Variants in ATP8B4 observed in about 807,000 individuals in gnomAD.
ATP8B4 encodes the protein ATPase phospholipid transporting 8B4 (putative).
Under a neutral mutation model 145.6 loss-of-function variants are expected in ATP8B4, and 133 were observed. The observed-to-expected ratio is 0.91, with a 90% confidence interval of 0.79 to 1.05. The LOEUF (loss-of-function observed/expected upper bound fraction) is 1.05. Ranked by LOEUF, ATP8B4 falls within the 50% of genes least tolerant of loss-of-function variation. The pLI is 0.00. For missense variants in ATP8B4, 1,458 were observed against 1,425.2 expected (o/e 1.02, Z -0.37); for synonymous variants, 507 against 492.9 (o/e 1.03, Z -0.38).
At position 49,987,482 on chromosome 15, in the gene ATP8B4, G is replaced by C. The variant is rs199543753; in HGVS notation, c.657C>G (p.Asp219Glu). 4.2e-4 allele frequency: 682 copies of C among 1,613,616 alleles called. No individual in the cohort carries two copies. Among genetic ancestry groups the C allele is most frequent in the Admixed American group, 7.7e-4 (46 of 60,004 alleles). ...TCTCATTGTTGAGGGAATGCTTGCT[G>C]TCTTTCCAAGAAAGGATTCCCATGA... ...DKFMGILSWK[D>E]SKHSLNNEKI... The change falls in exon 10 of 28, where the codon GAC becomes GAG. Residue 219 changes from aspartate (D) to glutamate (E), a missense_variant. By Grantham distance (45) the Asp-to-Glu change is conservative. Transcript: ENST00000284509.
rs1387062813 is a variant in ATP8B4, at chr15:50,152,107, G to GA, written c.-43+30153dup. The stretch of plus-strand genomic sequence containing the variant: ...ACCCATGTTTCTTCATTAGAATTTT[G>GA]AAAAAAAATTATATTTAGTTCATTA... On this transcript the variant is annotated intron_variant, in intron 1 of 3. Coordinates refer to the ATP8B4 transcript ENST00000558829. Among the ~76,000 whole-genome samples the GA allele has an allele frequency of 6.6e-5, 10 of 151,460 alleles. 1 individual carries two copies. The East Asian group carries it at 9.7e-4, about 15-fold the overall frequency.
intron 6 of ATP8B4, among the ~76,000 whole-genome samples, chr15:50,022,068 T>G (rs142154955): frequency 8.3e-4 from 126 of 151,872 alleles, no homozygotes; most frequent in African/African-American, 2.9e-3. Context: ...ATAAAAGAAA[T>G]AAATAAAAAC....
intron 23 of ATP8B4, chr15:49,894,991 A>G (rs2037238846): frequency 6.6e-6 from 1 of 152,206 alleles, no homozygotes; most frequent in Non-Finnish European, 1.5e-5. Context: ...GATATAATAG[A>G]CTGGCTAAAC....
intron 3 of ATP8B4, among the ~76,000 whole-genome samples, chr15:50,064,360 G>A (rs1313779846): frequency 6.6e-6 from 1 of 152,062 alleles, no homozygotes; most frequent in Admixed American, 6.6e-5. Context: ...CAAGTCAAGG[G>A]TATCAGGAGC....
At chr15:50,173,389 C>T (rs1199418719) in intron 1 of ATP8B4, among the ~76,000 whole-genome samples, 1 of 151,930 alleles carries the variant, frequency 6.6e-6, no homozygotes, top group Non-Finnish European at 1.5e-5. Context: ...AATCTATAAC[C>T]TTACCCCCAA....
At chr15:50,078,673 C>G (rs1208819923) in intron 2 of ATP8B4, among the ~76,000 whole-genome samples, 3 of 151,812 alleles carry the variant, frequency 2.0e-5, no homozygotes, top group Non-Finnish European at 4.4e-5. Flanking sequence ...CACCAAGTAC[C>G]AATCAGGATG....
chr15:49,909,709 T>C (rs2039024361), intron 20 of ATP8B4, among the ~76,000 whole-genome samples: 1 of 123,534 alleles, frequency 8.1e-6, no homozygotes, highest in African/African-American at 3.3e-5. Flanking sequence ...CAGACACCAT[T>C]GGCTTTGTTT....
chr15:50,025,288 A>G (rs1465599138), intron 6 of ATP8B4, among the ~76,000 whole-genome samples: 2 of 152,142 alleles, frequency 1.3e-5, no homozygotes, highest in African/African-American at 4.8e-5. Context: ...ACCCTTCCAC[A>G]CAATCTCTCT....
intron 14 of ATP8B4, among the ~76,000 whole-genome samples, chr15:49,956,466 C>T (rs897664917): frequency 2.0e-5 from 3 of 152,038 alleles, no homozygotes; most frequent in Non-Finnish European, 4.4e-5. Context: ...TTGGACTTCC[C>T]TAAAACCATC....
chr15:49,925,033 C>T (rs2040590795), intron 16 of ATP8B4, among the ~76,000 whole-genome samples: 2 of 152,078 alleles, frequency 1.3e-5, no homozygotes, highest in Admixed American at 1.3e-4. Context: ...GACATTAGTT[C>T]TCTAACTTAT....
chr15:49,954,037 C>T (rs141944188), intron 14 of ATP8B4, among the ~76,000 whole-genome samples: 1 of 152,032 alleles, frequency 6.6e-6, no homozygotes, highest in Non-Finnish European at 1.5e-5. Flanking sequence ...ACCTGGATAC[C>T]TTGGTTGCCG....
chr15:50,146,950 GT>G (rs2044284854), intron 1 of ATP8B4, among the ~76,000 whole-genome samples: 1 of 152,224 alleles, frequency 6.6e-6, no homozygotes, highest in East Asian at 1.9e-4. Context: ...GCCAGTTGGA[GT>G]TTTTCCAGGG....
intron 1 of ATP8B4, among the ~76,000 whole-genome samples, chr15:50,161,044 G>C (rs1278211569): frequency 6.6e-6 from 1 of 151,994 alleles, no homozygotes; most frequent in African/African-American, 2.4e-5. Flanking sequence ...TTATGTATCT[G>C]GGTACTCCAG....
intron 20 of ATP8B4, among the ~76,000 whole-genome samples, chr15:49,911,195 G>A (rs905471624): frequency 3.9e-5 from 6 of 152,032 alleles, no homozygotes; most frequent in Non-Finnish European, 7.4e-5. Context: ...ACAGAATGGC[G>A]GAATGGGTTT....
Position 49,931,206 on chromosome 15 carries a change from T to C in ATP8B4, c.1555A>G (p.Thr519Ala). Residue 519 changes from threonine to alanine, a missense_variant, in exon 16 of 28, where the codon ACA (threonine) becomes GCA (alanine). Physicochemically the swap from Thr to Ala is moderately conservative, Grantham distance 58 (BLOSUM62 0). Coordinates refer to ENST00000284509, the MANE Select transcript of ATP8B4 (RefSeq NM_024837.4). Reference sequence around the variant, plus strand: ...ACTAGTGTTCCCAATTCTTCTATTGTTATGGTCTCTGGGGTCCGGGATTTA... The same window carrying C: ...ACTAGTGTTCCCAATTCTTCTATTGCTATGGTCTCTGGGGTCCGGGATTTA... ...IFKSRTPETI[T>A]IEELGTLVTY... The C allele has an allele frequency of 1.2e-6, 2 of 1,612,894 alleles. No homozygotes were observed. The highest frequency in any genetic ancestry group is 1.7e-6 in the Non-Finnish European group (2 of 1,179,234).
chr15:49,956,356 T>G (rs1247006965), intron 14 of ATP8B4, among the ~76,000 whole-genome samples: 4 of 152,124 alleles, frequency 2.6e-5, no homozygotes, highest in Non-Finnish European at 5.9e-5. Flanking sequence ...ATGTAATAAA[T>G]TTTGAACACA....
upstream of ATP8B4, among the ~76,000 whole-genome samples, chr15:50,122,150 T>C (rs1002387476): frequency 1.3e-5 from 2 of 152,128 alleles, no homozygotes; most frequent in African/African-American, 4.8e-5. Context: ...AGCCAATGAA[T>C]TATGGTTTTA....
chr15:50,056,901 T>C (rs2052649737), intron 3 of ATP8B4, among the ~76,000 whole-genome samples: 1 of 152,108 alleles, frequency 6.6e-6, no homozygotes, highest in African/African-American at 2.4e-5. Flanking sequence ...TATTTTTTTA[T>C]TTTTTATTGA....
At chr15:49,924,690 C>T (rs936884550) in intron 16 of ATP8B4, among the ~76,000 whole-genome samples, 4 of 152,098 alleles carry the variant, frequency 2.6e-5, no homozygotes, top group East Asian at 1.9e-4. Flanking sequence ...AATAACATAC[C>T]CTGGAAGCTT....
Sources: gnomAD v4.1 joint callset for allele counts (sites outside exome capture counted in the v4.1 genomes callset) on GRCh38, gnomAD v4.1.1 for gene constraint, MANE v1.5 for transcripts, NCBI Gene and HGNC (gene_info 2026-07-23, HGNC 2026-07-21) for gene names.